Variants in BLK observed in about 807,000 individuals in gnomAD.
BLK encodes the protein tyrosine-protein kinase Blk.
BLK carries 64 observed loss-of-function variants against 61.8 expected under a neutral mutation model. The ratio of observed to expected loss-of-function variants is 1.03; its 90% confidence interval spans 0.85 to 1.27. BLK has a LOEUF of 1.27. Ranked by LOEUF, BLK falls within the 50% of genes most tolerant of loss-of-function variation. The pLI is 0.00. For synonymous variants in BLK, 351 were observed against 272.0 expected, an observed-to-expected ratio of 1.29 and a Z score of -2.86; for missense variants, 853 against 660.5, an observed-to-expected ratio of 1.29 and a Z score of -3.19.
At chr8:11,543,611 T>C (rs992815851) in intron 2 of BLK, among the ~76,000 whole-genome samples, 1 of 152,090 alleles carries the variant, frequency 6.6e-6, no homozygotes, top group African/African-American at 2.4e-5. Context: ...GGAGAGGGTG[T>C]CGTAAGGAAG....
chr8:11,535,261 G>GAAAGA (rs769872213), intron 1 of BLK, among the ~76,000 whole-genome samples: 3 of 110,534 alleles, frequency 2.7e-5, no homozygotes, highest in Non-Finnish European at 5.5e-5. Flanking sequence ...AAGAAAGAAA[G>GAAAGA]AAGAAAGAAA....
chr8:11,510,207 A>C (rs1474037065), intron 1 of BLK, among the ~76,000 whole-genome samples: 1 of 152,172 alleles, frequency 6.6e-6, no homozygotes, highest in Non-Finnish European at 1.5e-5. Flanking sequence ...TGAAACATTC[A>C]TTTGGGGGCT....
At chr8:11,545,689 T>A (rs115186079) in intron 2 of BLK, 1 of 332,978 alleles carries the variant, frequency 3.0e-6, no homozygotes, top group Non-Finnish European at 5.8e-6. Flanking sequence ...TGGGGAAATA[T>A]GCTTTTTAAA....
chr8:11,543,052 AT>A (rs1225953784), intron 1 of BLK, among the ~76,000 whole-genome samples, 171 bp from the exon 2 acceptor site: 2 of 152,136 alleles, frequency 1.3e-5, no homozygotes, highest in East Asian at 3.9e-4. Flanking sequence ...ATGGACACCC[AT>A]TTAGCTCACC....
chr8:11,498,352 A>G (rs1798432552), intron 1 of BLK, among the ~76,000 whole-genome samples: 1 of 152,158 alleles, frequency 6.6e-6, no homozygotes, highest in Non-Finnish European at 1.5e-5. Flanking sequence ...TGGATTCCTG[A>G]TGAGTTTCCT....
chr8:11,548,194 C>A, intron 4 of BLK, 69 bp downstream of exon 4: 1 of 1,319,260 alleles, frequency 7.6e-7, no homozygotes, highest in Non-Finnish European at 1.1e-6. Context: ...CTTTCTCCAC[C>A]CACCACATCC....
intron 2 of BLK, among the ~76,000 whole-genome samples, 153 bp downstream of exon 2, chr8:11,543,500 G>A (rs1011100859): frequency 6.6e-5 from 10 of 152,290 alleles, no homozygotes; most frequent in Admixed American, 3.3e-4. Context: ...AATATAACAC[G>A]CACAGGACCC....
intron 12 of BLK, among the ~76,000 whole-genome samples, chr8:11,563,636 G>A (rs1295365863): frequency 1.3e-5 from 2 of 152,196 alleles, no homozygotes; most frequent in Non-Finnish European, 2.9e-5. Context: ...ATCAAGAGAG[G>A]GAGGGTCCCA....
At chr8:11,513,880 G>A (rs1003524694) in intron 1 of BLK, among the ~76,000 whole-genome samples, 8 of 152,188 alleles carry the variant, frequency 5.3e-5, no homozygotes, top group African/African-American at 7.2e-5. Flanking sequence ...GAGCAGCTGG[G>A]CCCGACCCAG....
At chr8:11,532,044 A>G (rs948358375) in intron 1 of BLK, among the ~76,000 whole-genome samples, 1 of 152,042 alleles carries the variant, frequency 6.6e-6, no homozygotes, top group African/African-American at 2.4e-5. Flanking sequence ...TTTTTAGTAG[A>G]GATGGGGTTT....
chr8:11,505,926 T>C (rs549509536), intron 1 of BLK, among the ~76,000 whole-genome samples: 1 of 152,358 alleles, frequency 6.6e-6, no homozygotes, highest in South Asian at 2.1e-4. Flanking sequence ...CTATGTATCC[T>C]TGGAGGTCCA....
At chr8:11,560,699 G>T in intron 10 of BLK, 1 of 371,024 alleles carries the variant, frequency 2.7e-6, no homozygotes, top group East Asian at 7.4e-5. Flanking sequence ...ATCTGCCAGT[G>T]CTCCCTGGGT....
intron 8 of BLK, 66 bp downstream of exon 8, chr8:11,555,550 G>A: frequency 1.9e-6 from 3 of 1,608,830 alleles, no homozygotes; most frequent in Non-Finnish European, 2.5e-6. Flanking sequence ...CTGAGTCCAG[G>A]TTCAGCATTT....
chr8:11,540,768 G>A (rs997449865), intron 1 of BLK, among the ~76,000 whole-genome samples: 1 of 151,690 alleles, frequency 6.6e-6, no homozygotes, highest in African/African-American at 2.4e-5. Flanking sequence ...ATTTGAAAGG[G>A]CCCCAGACAC....
intron 1 of BLK, among the ~76,000 whole-genome samples, chr8:11,531,962 G>A (rs1447313116): frequency 6.6e-6 from 1 of 151,882 alleles, no homozygotes; most frequent in Non-Finnish European, 1.5e-5. Context: ...GAGTTCAAGT[G>A]ATTCTTCTGC....
chr8:11,519,950 C>T (rs1411987374), intron 1 of BLK, among the ~76,000 whole-genome samples: 5 of 152,070 alleles, frequency 3.3e-5, no homozygotes, highest in South Asian at 2.1e-4. Context: ...TTCTGGGAAA[C>T]GTTTTCTTTA....
At chr8:11,534,998 A>T (rs1800053332) in intron 1 of BLK, among the ~76,000 whole-genome samples, 1 of 152,010 alleles carries the variant, frequency 6.6e-6, no homozygotes, top group South Asian at 2.1e-4. Context: ...ACATGATGAA[A>T]TCCCACCTCT....
At chr8:11,528,556 T>A (rs1355793081) in intron 1 of BLK, among the ~76,000 whole-genome samples, 1 of 151,962 alleles carries the variant, frequency 6.6e-6, no homozygotes, top group Admixed American at 6.6e-5. Context: ...GCTACGGAGA[T>A]GAGAAAAGGC....
intron 1 of BLK, among the ~76,000 whole-genome samples, chr8:11,517,424 G>T (rs532913142): frequency 6.6e-6 from 1 of 152,322 alleles, no homozygotes; most frequent in African/African-American, 2.4e-5. Flanking sequence ...CACAGCACTT[G>T]GTGACATTGT....
Sources: gnomAD v4.1 joint callset for allele counts (sites outside exome capture counted in the v4.1 genomes callset) on GRCh38, gnomAD v4.1.1 for gene constraint, MANE v1.5 for transcripts, NCBI Gene and HGNC (gene_info 2026-07-23, HGNC 2026-07-21) for gene names.